The following GULP1 variants were observed in gnomAD, a reference collection of about 807,000 sequenced individuals.
The protein encoded by GULP1 is PTB domain-containing engulfment adapter protein 1.
A neutral mutation model predicts 40.9 loss-of-function variants in GULP1; 19 were observed. The ratio of observed to expected loss-of-function variants is 0.46; its 90% CI spans 0.32 to 0.68. The LOEUF is 0.68. Ranked by LOEUF, GULP1 falls within the 30% of genes least tolerant of loss-of-function variation. The probability of loss-of-function intolerance (pLI) is 0.03; values close to 1 mark genes in which losing one functional copy is unlikely to be tolerated. For missense variants in GULP1, 312 were observed against 362.2 expected, an observed-to-expected ratio of 0.86 and a Z score of 1.12; for synonymous variants, 119 against 117.6, an observed-to-expected ratio of 1.01 and a Z score of -0.08.
chr2:188,309,664 T>A (rs939165004), intron 1 of GULP1, among the ~76,000 whole-genome samples: 5 of 152,124 alleles, frequency 3.3e-5, no homozygotes, highest in African/African-American at 1.2e-4. Flanking sequence ...GTCTGTAGCT[T>A]AAGACATTGA....
intron 7 of GULP1, among the ~76,000 whole-genome samples, chr2:188,544,642 A>C (rs1691431807): frequency 6.6e-6 from 1 of 151,944 alleles, no homozygotes; most frequent in East Asian, 1.9e-4. Context: ...AAAGGAAAAG[A>C]ATCAATGACC....
chr2:188,430,446 A>G (rs533608190), intron 2 of GULP1, among the ~76,000 whole-genome samples: 31 of 152,318 alleles, frequency 2.0e-4, no homozygotes, highest in Middle Eastern at 3.4e-3. Context: ...TGAAAAGAGA[A>G]TGTGAGTTAA....
At chr2:188,458,612 G>A (rs913944803) in intron 2 of GULP1, among the ~76,000 whole-genome samples, 13 of 152,104 alleles carry the variant, frequency 8.5e-5, no homozygotes, top group Non-Finnish European at 1.5e-4. Flanking sequence ...GACATGCAAT[G>A]CATAATAATT....
intron 7 of GULP1, among the ~76,000 whole-genome samples, chr2:188,549,517 T>C (rs1353730147): frequency 6.6e-6 from 1 of 151,798 alleles, no homozygotes; most frequent in Non-Finnish European, 1.5e-5. Context: ...GGGGAAAAAG[T>C]ACATCATTCA....
At chr2:188,523,091 G>A (rs1225552824) in intron 5 of GULP1, among the ~76,000 whole-genome samples, 1 of 152,174 alleles carries the variant, frequency 6.6e-6, no homozygotes, top group African/African-American at 2.4e-5. Flanking sequence ...ATGGCAGTGT[G>A]TCTTGAATAT....
rs1176002164 is a variant in GULP1 at position 188,450,207 on chromosome 2, C to T, written c.-44-27452C>T. On this transcript the variant is annotated intron_variant, in intron 2 of 11. Transcript: ENST00000409830. ...ACTGTGCCAGGTCATTTAGGCTTTA[C>T]AGAACATGATGAAAATAATTATTTT... Among the ~76,000 whole-genome samples, 5 of 152,246 alleles carry T rather than the reference C, an allele frequency of 3.3e-5. No individual in the cohort carries two copies. The South Asian group carries it at 8.3e-4, about 25-fold the overall frequency.
Position 188,408,924 on chromosome 2 carries a change from T to G in GULP1, c.-45+25035T>G, listed in dbSNP as rs1353544169. 3.3e-5 allele frequency among the ~76,000 whole-genome samples: 5 copies of G among 152,104 alleles called. No individual in the cohort carries two copies. In the East Asian group the frequency reaches 5.8e-4, roughly 18 times the overall value. The stretch of plus-strand genomic sequence containing the variant: ...ACGGGTCAAAAAAGAAATTGAAAAT[T>G]AAAAAATATCTTTAGACAAGTGAAA... On this transcript the variant is annotated intron_variant, in intron 2 of 11. Coordinates refer to ENST00000409830, the MANE Select transcript of GULP1 (RefSeq NM_016315.4).
chr2:188,491,035 C>G (rs1385186328), intron 4 of GULP1, among the ~76,000 whole-genome samples: 1 of 151,834 alleles, frequency 6.6e-6, no homozygotes, highest in African/African-American at 2.4e-5. Flanking sequence ...TGAGCTCAAG[C>G]GATCCACCCA....
At chr2:188,409,093 A>T (rs917738053) in intron 2 of GULP1, among the ~76,000 whole-genome samples, 1 of 152,138 alleles carries the variant, frequency 6.6e-6, no homozygotes, top group African/African-American at 2.4e-5. Flanking sequence ...AAAGAAGAAA[A>T]TTCTAAGCCC....
chr2:188,510,956 T>G (rs1462200285), intron 4 of GULP1, among the ~76,000 whole-genome samples: 1 of 152,184 alleles, frequency 6.6e-6, no homozygotes, highest in Admixed American at 6.5e-5. Context: ...TTGGTTCTTT[T>G]TATTTGCTTG....
At chr2:188,468,351 T>A (rs1363910789) in intron 2 of GULP1, among the ~76,000 whole-genome samples, 1 of 152,182 alleles carries the variant, frequency 6.6e-6, no homozygotes, top group African/African-American at 2.4e-5. Flanking sequence ...TCTAAAAATA[T>A]CTTCAAAATT....
chr2:188,347,835 C>T (rs1359279409), intron 1 of GULP1, among the ~76,000 whole-genome samples: 1 of 152,140 alleles, frequency 6.6e-6, no homozygotes, highest in African/African-American at 2.4e-5. Flanking sequence ...CCAGACTATT[C>T]TAGAATTCCT....
chr2:188,497,972 A>C (rs1559310811), intron 4 of GULP1, among the ~76,000 whole-genome samples: 2 of 151,926 alleles, frequency 1.3e-5, no homozygotes, highest in Non-Finnish European at 2.9e-5. Context: ...TACCCTGGCC[A>C]AGGATTAATG....
intron 6 of GULP1, among the ~76,000 whole-genome samples, chr2:188,531,894 A>G (rs539084823): frequency 3.9e-5 from 6 of 152,322 alleles, no homozygotes; most frequent in African/African-American, 1.2e-4. Flanking sequence ...AAAAGGATAT[A>G]GAGTGGTAAA....
intron 2 of GULP1, among the ~76,000 whole-genome samples, chr2:188,471,182 T>C (rs2060558793): frequency 2.0e-5 from 3 of 152,192 alleles, no homozygotes; most frequent in African/African-American, 7.2e-5. Context: ...TCCTACTCTT[T>C]TTTGGTTTCT....
At chr2:188,519,897 A>G (rs528997656) in intron 4 of GULP1, among the ~76,000 whole-genome samples, 2 of 152,186 alleles carry the variant, frequency 1.3e-5, no homozygotes, top group South Asian at 4.1e-4. Context: ...TCTTGCCTCA[A>G]ACTCCTGAGT....
chr2:188,585,206 G>A (rs1702118814), intron 10 of GULP1, among the ~76,000 whole-genome samples: 1 of 152,188 alleles, frequency 6.6e-6, no homozygotes. Flanking sequence ...GCCTTGGGCA[G>A]CTCCACCTCT....
At chr2:188,485,853 A>C (rs1403875108) in intron 4 of GULP1, among the ~76,000 whole-genome samples, 2 of 152,004 alleles carry the variant, frequency 1.3e-5, no homozygotes, top group African/African-American at 2.4e-5. Flanking sequence ...TCTGTCCCTC[A>C]GTTCTGTTCT....
chr2:188,507,051 C>G (rs1173593935), intron 4 of GULP1, among the ~76,000 whole-genome samples: 1 of 151,886 alleles, frequency 6.6e-6, no homozygotes, highest in Non-Finnish European at 1.5e-5. Context: ...GCCAGACCAT[C>G]CACCCACTTT....
Sources: allele counts gnomAD v4.1 joint callset (sites outside exome capture counted in the v4.1 genomes callset), GRCh38; gene constraint gnomAD v4.1.1; transcripts MANE v1.5; gene names NCBI Gene and HGNC (gene_info 2026-07-23, HGNC 2026-07-21).